DRAP1: variants seen among roughly 807,000 people sequenced by gnomAD.
The protein encoded by DRAP1 is dr1-associated corepressor.
DRAP1 carries 10 observed loss-of-function variants against 24.1 expected under a neutral mutation model. The ratio of observed to expected loss-of-function variants is 0.41; its 90% CI spans 0.26 to 0.70. DRAP1 has a LOEUF of 0.70. DRAP1 is among the 30% of genes least tolerant of loss of function. DRAP1 has a pLI of 0.29. For missense variants in DRAP1, 264 were observed against 275.6 expected (o/e 0.96, Z 0.30); for synonymous variants, 122 against 113.8 (o/e 1.07, Z -0.46).
Position 65,920,004 on chromosome 11 carries a change from C to T in DRAP1, c.172C>T (p.Gln58Ter). 1.9e-6 allele frequency: 3 copies of T among 1,613,748 alleles called. No homozygotes were observed. Among genetic ancestry groups the T allele is most frequent in the Non-Finnish European group, 2.5e-6 (3 of 1,179,928 alleles). ...SLLKKACQVT[Q>*]SRNAKTMTTS... ...GTTGAAGAAGGCCTGCCAGGTGACCCAGTCGCGGAACGCGAAGACCATGAC... is the reference window on the plus strand; with the variant it reads ...GTTGAAGAAGGCCTGCCAGGTGACCTAGTCGCGGAACGCGAAGACCATGAC... The change falls in exon 3 of 7, where the codon CAG (glutamine) becomes TAG (stop). Residue 58 changes from glutamine (Q) to a stop codon, truncating the protein, a stop_gained. Transcript: ENST00000312515. LOFTEE classifies it high-confidence loss of function.
At position 65,920,613 on chromosome 11, in the gene DRAP1, G is replaced by A; in HGVS notation, c.374G>A (p.Gly125Glu). 6.4e-7 allele frequency: 1 copy of A among 1,552,002 alleles called. No individual in the cohort carries two copies. Among genetic ancestry groups the A allele is most frequent in the Non-Finnish European group, 8.7e-7 (1 of 1,148,556 alleles). ...GSGGRKNGGM[G>E]TKSKDKKLSG... ...GGCGGCCGGAAGAACGGTGGGATGGGAACGAAAAGCAAGGACAAGAAGCTG... is the reference window on the plus strand; with the variant it reads ...GGCGGCCGGAAGAACGGTGGGATGGAAACGAAAAGCAAGGACAAGAAGCTG... Residue 125 changes from glycine to glutamate, a missense_variant, in exon 5 of 7, where the codon GGA (glycine) becomes GAA (glutamate). Physicochemically the swap from Gly to Glu is moderately conservative, Grantham distance 98 (BLOSUM62 -2). This residue lies in a region of DRAP1 where 243 missense variants were observed against 233.6 expected (regional missense o/e 1.04). Transcript: ENST00000312515.
At chr11:65,920,828 C>T (rs1035571373) in intron 5 of DRAP1, 56 bp from the exon 6 acceptor site, 2 of 1,546,672 alleles carry the variant, frequency 1.3e-6, no homozygotes, top group Non-Finnish European at 1.8e-6. Flanking sequence ...CCCTGCCACT[C>T]CCAGTGATGG....
chr11:65,920,978 C>A lies in DRAP1; in HGVS notation c.512+6C>A. On this transcript the variant is annotated splice_donor_region_variant and intron_variant, in intron 6 of 6. Coordinates refer to ENST00000312515, the MANE Select transcript of DRAP1 (RefSeq NM_006442.4). ...CCCTCTGCCCACTTTCAGAGGTGAG[C>A]AGCCCAGAGGCATGGGAGGGTGCTG... The A allele has an allele frequency of 6.2e-7, 1 of 1,603,388 alleles. No individual in the cohort carries two copies. Among genetic ancestry groups the A allele is most frequent in the Admixed American group, 1.7e-5 (1 of 58,464 alleles).
rs568931883 is a variant in DRAP1 at position 65,921,374 on chromosome 11, C to T, written c.557C>T (p.Pro186Leu). 1 of 1,611,584 alleles carries T rather than the reference C, an allele frequency of 6.2e-7. No individual in the cohort carries two copies. Among genetic ancestry groups the T allele is most frequent in the Admixed American group, 1.7e-5 (1 of 59,904 alleles). Residue 186 changes from proline (P) to leucine (L), a missense_variant, in exon 7 of 7, where the codon CCC (proline) becomes CTC (leucine). This residue lies in a region of DRAP1 where 243 missense variants were observed against 233.6 expected (regional missense o/e 1.04). Transcript: ENST00000312515. ...CCCTTCGCCTCTACTCTGCCTTTGC[C>T]CCCAGCGCCCCCGGGCCCCTCAGCA... is the stretch of plus-strand genomic sequence containing the variant. Reference protein sequence around the residue: ...FLPFASTLPLPPAPPGPSAPD... With the variant: ...FLPFASTLPLLPAPPGPSAPD...
rs1854538853 is a variant in DRAP1, at chr11:65,920,681, C to T, written c.423+19C>T. ...GCAGGAGGTGAGTGAGGCCCCAGCCCTTCGCCCTGCCCTTGGTGATGGGAC... is the reference window on the plus strand; with the variant it reads ...GCAGGAGGTGAGTGAGGCCCCAGCCTTTCGCCCTGCCCTTGGTGATGGGAC... On this transcript the variant is annotated intron_variant, in intron 5 of 6. Coordinates refer to ENST00000312515, the MANE Select transcript of DRAP1 (RefSeq NM_006442.4). 2 of 1,472,720 alleles carry T rather than the reference C, an allele frequency of 1.4e-6. No homozygotes were observed. The highest frequency in any genetic ancestry group is 2.8e-5 in the African/African-American group (2 of 70,648). 91.2% of individuals were successfully genotyped at this position (1,472,720 alleles called of 1,614,324 possible). A position where few individuals can be genotyped will look rare whatever the true frequency, so the allele number is the denominator to read the frequency against.
At chr11:65,921,009 C>T in intron 6 of DRAP1, 37 bp downstream of exon 6, 1 of 1,505,842 alleles carries the variant, frequency 6.6e-7, no homozygotes, top group Non-Finnish European at 9.0e-7. Flanking sequence ...TGCTGGCAGA[C>T]TCCCCAGAGC....
At position 65,921,537 on chromosome 11, in the gene DRAP1, T is replaced by A; in HGVS notation, c.*102T>A. 3.6e-6 allele frequency: 2 copies of A among 549,082 alleles called. No homozygotes were observed. Among genetic ancestry groups the A allele is most frequent in the Admixed American group, 3.0e-5 (1 of 32,962 alleles). 34.0% of individuals were successfully genotyped at this position (549,082 alleles called of 1,614,324 possible). On this transcript the variant is annotated 3_prime_UTR_variant, in exon 7 of 7. Coordinates refer to ENST00000312515, the MANE Select transcript of DRAP1 (RefSeq NM_006442.4). ...TTCTTAAATTTATTAAAAAAAAAAA[T>A]AAAAGGGAATCTCAGTGTCTGTTCC...
rs12576319 is a variant in DRAP1 at position 65,919,771 on chromosome 11, C to A, written c.43-9C>A. 16,521 of 1,613,000 alleles carry A rather than the reference C, an allele frequency of 0.01. 947 individuals carry two copies. The East Asian group carries it at 0.15, about 15-fold the overall frequency. ...CGACGGGGTCTGAACTCTGCTCCCC[C>A]ACCCGCAGGCGCGGATCAAGAAGAT... On this transcript the variant is annotated splice_polypyrimidine_tract_variant and intron_variant, in intron 1 of 6. Transcript: ENST00000312515.
At chr11:65,919,715 C>T in intron 1 of DRAP1, 65 bp from the exon 2 acceptor site, 2 of 1,599,828 alleles carry the variant, frequency 1.3e-6, no homozygotes, top group South Asian at 1.1e-5. Flanking sequence ...GATGCCCCTT[C>T]CTCCCCCAGC....
chr11:65,920,088 G>A, intron 3 of DRAP1, 47 bp downstream of exon 3: 1 of 1,593,280 alleles, frequency 6.3e-7, no homozygotes, highest in Non-Finnish European at 8.6e-7. Flanking sequence ...GGCGCGGGGA[G>A]TTCACACACT....
intron 5 of DRAP1, 77 bp from the exon 6 acceptor site, chr11:65,920,807 T>A: frequency 1.3e-6 from 2 of 1,496,018 alleles, no homozygotes; most frequent in Non-Finnish European, 1.8e-6. Flanking sequence ...GCTATGAGGG[T>A]CTACTGCTGT....
intron 6 of DRAP1, 85 bp downstream of exon 6, chr11:65,921,057 T>G (rs568693534): frequency 9.4e-7 from 1 of 1,065,312 alleles, no homozygotes; most frequent in Admixed American, 2.8e-5. Context: ...CCCTTGGTCT[T>G]GTTGATTGTG....
chr11:65,921,377 C>A lies in DRAP1; in HGVS notation c.560C>A (p.Pro187Gln). 6.2e-7 allele frequency: 1 copy of A among 1,611,764 alleles called. No individual in the cohort carries two copies. Among genetic ancestry groups the A allele is most frequent in the African/African-American group, 1.3e-5 (1 of 74,986 alleles). Residue 187 changes from proline to glutamine, a missense_variant, in exon 7 of 7, where the codon CCA becomes CAA. Coordinates refer to ENST00000312515, the MANE Select transcript of DRAP1 (RefSeq NM_006442.4). ...LPFASTLPLP[P>Q]APPGPSAPDE... ...TTCGCCTCTACTCTGCCTTTGCCCC[C>A]AGCGCCCCCGGGCCCCTCAGCACCT... is the stretch of plus-strand genomic sequence containing the variant.
In DRAP1 at chr11:65,920,451, G is replaced by C. The variant is rs371036532; in HGVS notation, c.318G>C (p.Lys106Asn). Residue 106 changes from lysine (K) to asparagine (N), a missense_variant, in exon 4 of 7, where the codon AAG (lysine) becomes AAC (asparagine). Transcript: ENST00000312515. ...AAGACAACCACATGGATGGGGACAA[G>C]GGCGCCCGCAGGTGGGGCCAGGGCC... ...DGEDNHMDGD[K>N]GARRGRKPGS... 147 of 1,614,018 alleles carry C rather than the reference G, an allele frequency of 9.1e-5. No homozygotes were observed. The highest frequency in any genetic ancestry group is 1.2e-4 in the Non-Finnish European group (141 of 1,180,032).
Position 65,919,964 on chromosome 11 carries a change from C to G in DRAP1, c.132C>G (p.Leu44=). 1 of 1,613,874 alleles carries G rather than the reference C, an allele frequency of 6.2e-7. No homozygotes were observed. The change falls in exon 3 of 7, where the codon CTC becomes CTG. Residue 44 remains leucine, a synonymous_variant. Coordinates refer to ENST00000312515, the MANE Select transcript of DRAP1 (RefSeq NM_006442.4). ...VPVIISRALE[L]FLESLLKKAC... is the part of the protein sequence containing the mutation. ...GCTCCTCAGCCCGGGCGCTCGAGCT[C>G]TTCCTAGAGTCGCTGTTGAAGAAGG...
chr11:65,920,460 C>T lies in DRAP1; in HGVS notation c.327C>T (p.Arg109=). 6.2e-7 allele frequency: 1 copy of T among 1,613,944 alleles called. No individual in the cohort carries two copies. ...ACATGGATGGGGACAAGGGCGCCCG[C>T]AGGTGGGGCCAGGGCCTGGCATACA... The part of the protein sequence containing the change: ...DNHMDGDKGA[R]RGRKPGSGGR... The change falls in exon 4 of 7, where the codon CGC becomes CGT. Residue 109 remains arginine, a splice_region_variant and synonymous_variant. Transcript: ENST00000312515.
At chr11:65,921,254 G>C in intron 6 of DRAP1, 76 bp from the exon 7 acceptor site, 1 of 896,788 alleles carries the variant, frequency 1.1e-6, no homozygotes. Flanking sequence ...ATGGGGGAGG[G>C]AGGGTCTTGG....
intron 5 of DRAP1, 89 bp downstream of exon 5, chr11:65,920,751 TCCTTTTC>T: frequency 7.0e-7 from 1 of 1,429,196 alleles, no homozygotes; most frequent in Non-Finnish European, 9.2e-7. Flanking sequence ...CCAGCTCTCA[TCCTTTTC>T]TGCAACCTGT....
In DRAP1 at chr11:65,921,340, C is replaced by T. The variant is rs753718615; in HGVS notation, c.523C>T (p.Pro175Ser). The T allele has an allele frequency of 3.7e-6, 6 of 1,602,660 alleles. No individual in the cohort carries two copies. The highest frequency in any genetic ancestry group is 4.3e-6 in the Non-Finnish European group (5 of 1,170,316). The stretch of plus-strand genomic sequence containing the variant: ...CCTTCTGCCCTGCAGCCCCCCGACA[C>T]CCTTCCTGCCCTTCGCCTCTACTCT... ...PSAHFQSPPT[P>S]FLPFASTLPL... The change falls in exon 7 of 7, where the codon CCC becomes TCC. Residue 175 changes from proline (P) to serine (S), a missense_variant. Physicochemically the swap from Pro to Ser is moderately conservative, Grantham distance 74. This residue lies in a region of DRAP1 where 243 missense variants were observed against 233.6 expected (regional missense o/e 1.04). Coordinates refer to ENST00000312515, the MANE Select transcript of DRAP1 (RefSeq NM_006442.4).
Sources: allele counts gnomAD v4.1 joint callset, GRCh38; gene constraint gnomAD v4.1.1; regional missense constraint gnomAD v4.1.1; transcripts MANE v1.5; gene names NCBI Gene and HGNC (gene_info 2026-07-23, HGNC 2026-07-21).